Variants in PHLDB2 observed in about 807,000 individuals in gnomAD.
PHLDB2 encodes the protein pleckstrin homology-like domain family B member 2.
PHLDB2 carries 71 observed loss-of-function variants against 123.6 expected under a neutral mutation model. The observed-to-expected ratio is 0.57, with a 90% confidence interval of 0.47 to 0.70. PHLDB2 has a LOEUF of 0.70. Among genes scored for constraint, PHLDB2 ranks in the 30% least tolerant of loss-of-function variants. The pLI is 0.00. For synonymous variants in PHLDB2, 547 were observed against 541.6 expected, an observed-to-expected ratio of 1.01 and a Z score of -0.14; for missense variants, 1,446 against 1,519.5, an observed-to-expected ratio of 0.95 and a Z score of 0.80.
At chr3:111,777,297 T>C (rs2060283780) in intron 1 of PHLDB2, among the ~76,000 whole-genome samples, 1 of 152,194 alleles carries the variant, frequency 6.6e-6, no homozygotes, top group Non-Finnish European at 1.5e-5. Context: ...TAATAGGAGT[T>C]AATTATTAAC....
At chr3:111,756,124 T>C (rs2059884410) in intron 1 of PHLDB2, among the ~76,000 whole-genome samples, 1 of 152,134 alleles carries the variant, frequency 6.6e-6, no homozygotes, top group Non-Finnish European at 1.5e-5. Flanking sequence ...AAAAAATGTA[T>C]ATTCTGTTGA....
chr3:111,901,757 A>G (rs2067218099), intron 2 of PHLDB2, among the ~76,000 whole-genome samples: 1 of 152,238 alleles, frequency 6.6e-6, no homozygotes, highest in Admixed American at 6.5e-5. Flanking sequence ...GTGAAGAGCA[A>G]TAGCATAATT....
intron 1 of PHLDB2, among the ~76,000 whole-genome samples, chr3:111,812,912 G>A (rs958053091): frequency 3.3e-5 from 5 of 152,090 alleles, no homozygotes; most frequent in Non-Finnish European, 7.4e-5. Flanking sequence ...GGAAGTGTGG[G>A]GAAAACATTA....
chr3:111,892,250 T>A (rs1490657938), intron 2 of PHLDB2, among the ~76,000 whole-genome samples: 1 of 152,228 alleles, frequency 6.6e-6, no homozygotes, highest in African/African-American at 2.4e-5. Flanking sequence ...GTGGTAGTTA[T>A]GCGAATAGGT....
intron 1 of PHLDB2, among the ~76,000 whole-genome samples, chr3:111,735,818 C>G (rs779559978): frequency 6.6e-6 from 1 of 152,106 alleles, no homozygotes; most frequent in Non-Finnish European, 1.5e-5. Context: ...ATTTTCATAA[C>G]AAACCTCTGC....
chr3:111,966,252 A>G (rs1481088096), intron 13 of PHLDB2, among the ~76,000 whole-genome samples: 1 of 152,134 alleles, frequency 6.6e-6, no homozygotes, highest in Non-Finnish European at 1.5e-5. Context: ...CTCATGGGTC[A>G]TTATTTTTAG....
chr3:111,911,670 G>A (rs1196056928), intron 2 of PHLDB2: 4 of 1,536,210 alleles, frequency 2.6e-6, no homozygotes, highest in Non-Finnish European at 3.5e-6. Context: ...CGTGGGAAGA[G>A]GCCATGAGGA....
At chr3:111,923,493 A>T (rs1326311536) in intron 5 of PHLDB2, among the ~76,000 whole-genome samples, 1 of 152,184 alleles carries the variant, frequency 6.6e-6, no homozygotes, top group African/African-American at 2.4e-5. Flanking sequence ...TGACTATCAT[A>T]GGGATTTCTC....
chr3:111,907,710 T>C (rs1309244532), intron 2 of PHLDB2, among the ~76,000 whole-genome samples: 1 of 152,080 alleles, frequency 6.6e-6, no homozygotes, highest in African/African-American at 2.4e-5. Flanking sequence ...TAGGCTGGTC[T>C]AAAACTCCTG....
rs537284019 is a variant in PHLDB2, at chr3:111,964,528, G to C, written c.3078-2085G>C. ...CTAATTTTTTTTTTTTTTTAGTAGA[G>C]AAGGGGTTTCACCATGTTGGCCAGG... is the stretch of plus-strand genomic sequence containing the variant. On this transcript the variant is annotated intron_variant, in intron 13 of 17. Coordinates refer to ENST00000431670, the MANE Select transcript of PHLDB2 (RefSeq NM_001134438.2). Among the ~76,000 whole-genome samples the C allele has an allele frequency of 3.2e-3, 482 of 149,352 alleles. 3 individuals carry two copies. Among genetic ancestry groups the C allele is most frequent in the Middle Eastern group, 0.031 (9 of 292 alleles).
chr3:111,752,012 A>T (rs1283255847), intron 1 of PHLDB2, among the ~76,000 whole-genome samples: 4 of 152,158 alleles, frequency 2.6e-5, no homozygotes, highest in African/African-American at 9.7e-5. Context: ...AATGATTTTA[A>T]ACTGGCTTAG....
intron 1 of PHLDB2, among the ~76,000 whole-genome samples, chr3:111,821,228 C>G (rs1339219120): frequency 1.3e-5 from 2 of 152,184 alleles, no homozygotes; most frequent in African/African-American, 4.8e-5. Flanking sequence ...CTTTTCTGGT[C>G]AGACCAGGCT....
intron 8 of PHLDB2, among the ~76,000 whole-genome samples, chr3:111,944,754 C>T (rs1329859935): frequency 2.0e-5 from 3 of 152,088 alleles, no homozygotes; most frequent in Non-Finnish European, 2.9e-5. Flanking sequence ...GATCTCGGCT[C>T]ACTGCAACCT....
At chr3:111,953,228 A>G (rs2070822631) in intron 11 of PHLDB2, among the ~76,000 whole-genome samples, 2 of 152,226 alleles carry the variant, frequency 1.3e-5, no homozygotes, top group African/African-American at 4.8e-5. Context: ...GCTGGTATGT[A>G]GTGGAGTGGA....
At chr3:111,734,158 G>A (rs1175885470) in intron 1 of PHLDB2, among the ~76,000 whole-genome samples, 1 of 152,194 alleles carries the variant, frequency 6.6e-6, no homozygotes, top group African/African-American at 2.4e-5. Flanking sequence ...AAACTGATAC[G>A]TTTCTGTGAA....
chr3:111,826,292 G>C (rs1347733531), intron 1 of PHLDB2, among the ~76,000 whole-genome samples: 1 of 151,966 alleles, frequency 6.6e-6, no homozygotes, highest in Non-Finnish European at 1.5e-5. Flanking sequence ...CTGGGCAACA[G>C]AGCAAGGCTT....
At position 111,787,407 on chromosome 3, in the gene PHLDB2, C is replaced by T. The variant is rs143885011; in HGVS notation, c.-49+54704C>T. On this transcript the variant is annotated intron_variant, in intron 1 of 17. Coordinates refer to the PHLDB2 transcript ENST00000393923. ...ATGGAACTTATAAGTGAGATATTCT[C>T]CTTTATCTTTGGATATTTTTTTGCA... 3.5e-3 allele frequency among the ~76,000 whole-genome samples: 532 copies of T among 152,260 alleles called. 4 individuals carry two copies. Among genetic ancestry groups the T allele is most frequent in the African/African-American group, 0.011 (476 of 41,554 alleles).
intron 1 of PHLDB2, among the ~76,000 whole-genome samples, chr3:111,876,573 C>CT (rs1484684374): frequency 1.3e-5 from 2 of 151,846 alleles, no homozygotes; most frequent in Admixed American, 6.6e-5. Flanking sequence ...AATGTATTTA[C>CT]TTTTTTTTAA....
At chr3:111,806,734 C>T (rs1032075467) in intron 1 of PHLDB2, among the ~76,000 whole-genome samples, 1 of 152,100 alleles carries the variant, frequency 6.6e-6, no homozygotes, top group African/African-American at 2.4e-5. Context: ...GATCCGCCTG[C>T]CTCGGCCTCC....
Sources: gnomAD v4.1 joint callset for allele counts (sites outside exome capture counted in the v4.1 genomes callset) on GRCh38, gnomAD v4.1.1 for gene constraint, MANE v1.5 for transcripts, NCBI Gene and HGNC (gene_info 2026-07-23, HGNC 2026-07-21) for gene names.